Variants in SUGCT observed in about 807,000 individuals in gnomAD.
SUGCT encodes succinyl-CoA:glutarate-CoA transferase.
SUGCT carries 41 observed loss-of-function variants against 55.0 expected under a neutral mutation model. The observed-to-expected ratio is 0.74, with a 90% CI of 0.58 to 0.97. The LOEUF (loss-of-function observed/expected upper bound fraction) is 0.97, where lower values mean the gene tolerates loss of function less well. Among genes scored for constraint, SUGCT ranks in the 50% least tolerant of loss-of-function variants. The pLI is 0.00. For missense variants in SUGCT, 568 were observed against 547.8 expected (o/e 1.04, Z -0.37); for synonymous variants, 187 against 200.4 (o/e 0.93, Z 0.56).
intron 12 of SUGCT, among the ~76,000 whole-genome samples, chr7:40,532,105 ACTGCAAG>A (rs1794130175): frequency 6.6e-6 from 1 of 152,234 alleles, no homozygotes; most frequent in African/African-American, 2.4e-5. Flanking sequence ...GGTGAGGCCA[ACTGCAAG>A]GTTGGTCTCA....
At chr7:40,972,338 C>T in the SUGCT span, among the ~76,000 whole-genome samples, 12 of 152,154 alleles carry the variant, frequency 7.9e-5, no homozygotes, top group Non-Finnish European at 1.6e-4. Context: ...ATTTTACACT[C>T]CTTGCCAGCT....
At chr7:41,030,794 G>A in the SUGCT span, among the ~76,000 whole-genome samples, 2 of 152,136 alleles carry the variant, frequency 1.3e-5, no homozygotes, top group Non-Finnish European at 2.9e-5. Flanking sequence ...CGTTGCCTCT[G>A]AGTTGTGGGA....
chr7:40,756,160 T>G (rs1221512132), intron 13 of SUGCT, among the ~76,000 whole-genome samples: 3 of 152,214 alleles, frequency 2.0e-5, no homozygotes, highest in Non-Finnish European at 4.4e-5. Context: ...AAAACACTTC[T>G]CTGGGTTTGA....
chr7:40,482,993 A>G (rs1354447815), intron 11 of SUGCT, among the ~76,000 whole-genome samples: 2 of 152,174 alleles, frequency 1.3e-5, no homozygotes, highest in Non-Finnish European at 2.9e-5. Flanking sequence ...TGCTAGGGGG[A>G]GAAAAGATAA....
intron 12 of SUGCT, among the ~76,000 whole-genome samples, chr7:40,687,558 T>C (rs1394474204): frequency 6.6e-6 from 1 of 152,182 alleles, no homozygotes; most frequent in Non-Finnish European, 1.5e-5. Flanking sequence ...TCTGTGTTCC[T>C]TTATGAGGAG....
chr7:40,614,265 T>C (rs1207754393), intron 12 of SUGCT, among the ~76,000 whole-genome samples: 1 of 152,180 alleles, frequency 6.6e-6, no homozygotes, highest in African/African-American at 2.4e-5. Flanking sequence ...TTCCCCAGTC[T>C]GTTCTGTATA....
intron 9 of SUGCT, among the ~76,000 whole-genome samples, chr7:40,408,326 CTT>C (rs570201831): frequency 6.6e-6 from 1 of 152,150 alleles, no homozygotes; most frequent in South Asian, 2.1e-4. Context: ...CATTTGAACA[CTT>C]TTGTTCCTGA....
chr7:40,702,347 G>A (rs898613798), intron 12 of SUGCT, among the ~76,000 whole-genome samples: 2 of 152,198 alleles, frequency 1.3e-5, no homozygotes, highest in African/African-American at 4.8e-5. Flanking sequence ...AAAGAAACTT[G>A]GCACTGTTCC....
chr7:40,933,527 T>G, the SUGCT span, among the ~76,000 whole-genome samples: 7 of 152,334 alleles, frequency 4.6e-5, no homozygotes, highest in Admixed American at 4.6e-4. Context: ...CTGAAGAGTG[T>G]TTTCCAACTT....
At chr7:40,973,973 T>C in the SUGCT span, among the ~76,000 whole-genome samples, 1 of 152,198 alleles carries the variant, frequency 6.6e-6, no homozygotes, top group East Asian at 1.9e-4. Context: ...TGGCTAATAG[T>C]GATTGTTCAT....
At chr7:40,700,041 C>T (rs1460542681) in intron 12 of SUGCT, among the ~76,000 whole-genome samples, 1 of 152,102 alleles carries the variant, frequency 6.6e-6, no homozygotes, top group Non-Finnish European at 1.5e-5. Flanking sequence ...CTTTTGGTTG[C>T]TGTAGGCAGC....
the SUGCT span, among the ~76,000 whole-genome samples, chr7:40,866,004 C>T: frequency 6.6e-6 from 1 of 152,114 alleles, no homozygotes; most frequent in Non-Finnish European, 1.5e-5. Flanking sequence ...CAGTTAGTTT[C>T]TTTGGCTCCT....
At chr7:40,190,126 G>A (rs1429133786) in intron 5 of SUGCT, among the ~76,000 whole-genome samples, 5 of 152,128 alleles carry the variant, frequency 3.3e-5, no homozygotes, top group African/African-American at 1.2e-4. Flanking sequence ...AATTAAGGGT[G>A]GATACCTTTG....
At chr7:40,321,070 C>T (rs1472767675) in intron 9 of SUGCT, among the ~76,000 whole-genome samples, 1 of 147,444 alleles carries the variant, frequency 6.8e-6, no homozygotes, top group African/African-American at 2.5e-5. Flanking sequence ...TTTTTTCTTT[C>T]TTTCTTTCTT....
At chr7:40,202,785 G>A (rs746785488) in intron 6 of SUGCT, among the ~76,000 whole-genome samples, 9 of 152,164 alleles carry the variant, frequency 5.9e-5, no homozygotes, top group Non-Finnish European at 1.2e-4. Context: ...GAGTCTATCT[G>A]TTATGATCAC....
intron 8 of SUGCT, among the ~76,000 whole-genome samples, chr7:40,284,746 A>G (rs17171668): frequency 0.27 from 41,281 of 152,044 alleles, 6,422 homozygotes; most frequent in East Asian, 0.46. Context: ...AAAATCATCA[A>G]TTTAAAACAT....
chr7:40,274,918 C>G (rs1792362336), intron 8 of SUGCT, among the ~76,000 whole-genome samples: 1 of 152,190 alleles, frequency 6.6e-6, no homozygotes, highest in East Asian at 1.9e-4. Context: ...TCTTCTGCCT[C>G]AGCCTCCTGA....
At chr7:40,603,043 T>G (rs1798366415) in intron 12 of SUGCT, among the ~76,000 whole-genome samples, 1 of 152,222 alleles carries the variant, frequency 6.6e-6, no homozygotes, top group Non-Finnish European at 1.5e-5. Context: ...TCATGTGAAC[T>G]TCTAGGGAAG....
intron 8 of SUGCT, among the ~76,000 whole-genome samples, chr7:40,278,329 G>T (rs1792680216): frequency 6.6e-6 from 1 of 152,128 alleles, no homozygotes; most frequent in Admixed American, 6.6e-5. Context: ...CTGTTGGTGG[G>T]ACTGTAAACT....
Sources: allele counts gnomAD v4.1 joint callset (sites outside exome capture counted in the v4.1 genomes callset), GRCh38; gene constraint gnomAD v4.1.1; transcripts MANE v1.5; gene names NCBI Gene and HGNC (gene_info 2026-07-23, HGNC 2026-07-21).